The following RPS6KA5 variants were observed in gnomAD, a reference collection of about 807,000 sequenced individuals.
RPS6KA5 encodes the protein ribosomal protein S6 kinase alpha-5.
In RPS6KA5, 27 loss-of-function variants were observed where a neutral mutation model predicts 85.5. The observed-to-expected ratio is 0.32, with a 90% CI of 0.23 to 0.44. The LOEUF (loss-of-function observed/expected upper bound fraction) is 0.44, where lower values mean the gene tolerates loss of function less well. Ranked by LOEUF, RPS6KA5 falls within the 20% of genes least tolerant of loss-of-function variation. RPS6KA5 has a pLI of 1.00. For missense variants in RPS6KA5, 811 were observed against 980.9 expected (o/e 0.83, Z 2.31); for synonymous variants, 334 against 348.2 (o/e 0.96, Z 0.46).
intron 4 of RPS6KA5, 73 bp from the exon 5 acceptor site, chr14:90,943,258 CCTTT>C: frequency 1.3e-6 from 1 of 794,006 alleles, no homozygotes; most frequent in Non-Finnish European, 2.0e-6. Context: ...TTCTCGTCTA[CCTTT>C]ATTTATTTAT....
chr14:91,035,847 CAAAAAAAAAAA>C (rs199625173), intron 1 of RPS6KA5, among the ~76,000 whole-genome samples: 20 of 69,896 alleles, frequency 2.9e-4, no homozygotes, highest in Admixed American at 3.6e-4. Flanking sequence ...CCCTCACCTT[CAAAAAAAAAAA>C]AAAAAAAAAA....
chr14:90,886,979 C>A (rs1233672407), intron 14 of RPS6KA5, among the ~76,000 whole-genome samples: 1 of 152,048 alleles, frequency 6.6e-6, no homozygotes. Flanking sequence ...ATGTAAAATA[C>A]AAAACTTCCA....
At chr14:91,012,933 T>C in intron 1 of RPS6KA5, among the ~76,000 whole-genome samples, 1 of 152,130 alleles carries the variant, frequency 6.6e-6, no homozygotes. Flanking sequence ...TTACATCACT[T>C]TTCTGACTTG....
intron 1 of RPS6KA5, among the ~76,000 whole-genome samples, chr14:91,013,953 T>C (rs2041370467): frequency 6.6e-6 from 1 of 152,256 alleles, no homozygotes; most frequent in African/African-American, 2.4e-5. Flanking sequence ...TGGAAAGTAC[T>C]AAAATTAATC....
chr14:91,007,061 T>A lies in RPS6KA5; in HGVS notation c.104-5902A>T, dbSNP rs1050880005. Among the ~76,000 whole-genome samples, 4 of 152,292 alleles carry A rather than the reference T, an allele frequency of 2.6e-5. No homozygotes were observed. In the East Asian group the frequency reaches 7.7e-4, roughly 29 times the overall value. On this transcript the variant is annotated intron_variant, in intron 1 of 16. Coordinates refer to ENST00000614987, the MANE Select transcript of RPS6KA5 (RefSeq NM_004755.4). ...CTCTTATTAAATTTGTTACTCTGAT[T>A]CCCACCAGCTACTTGTGCCTTGCAG...
intron 13 of RPS6KA5, among the ~76,000 whole-genome samples, chr14:90,892,702 A>C (rs1301741068): frequency 6.6e-6 from 1 of 152,242 alleles, no homozygotes; most frequent in Non-Finnish European, 1.5e-5. Context: ...CCACATAGCT[A>C]CCTACCAAAA....
chr14:90,903,981 C>G (rs143388989), intron 8 of RPS6KA5, among the ~76,000 whole-genome samples: 4,097 of 148,844 alleles, frequency 0.028, 75 homozygotes, highest in Middle Eastern at 0.083. Flanking sequence ...GAGTCTCGCT[C>G]TGTCGCCCAG....
chr14:91,025,341 G>A (rs1312336875), intron 1 of RPS6KA5, among the ~76,000 whole-genome samples: 2 of 152,234 alleles, frequency 1.3e-5, no homozygotes, highest in African/African-American at 2.4e-5. Flanking sequence ...ACCACGCCCA[G>A]TCTCCTTTTT....
intron 5 of RPS6KA5, among the ~76,000 whole-genome samples, chr14:90,924,983 T>C (rs1432033135): frequency 2.0e-5 from 3 of 152,218 alleles, no homozygotes; most frequent in African/African-American, 7.2e-5. Flanking sequence ...TTTTTTCTCA[T>C]CCCATATTTA....
At position 90,894,501 on chromosome 14, in the gene RPS6KA5, G is replaced by A. The variant is rs2034728936; in HGVS notation, c.1556C>T (p.Thr519Met). 3.1e-6 allele frequency: 5 copies of A among 1,613,956 alleles called. No homozygotes were observed. Among genetic ancestry groups the A allele is most frequent in the South Asian group, 1.1e-5 (1 of 91,082 alleles). Residue 519 changes from threonine (T) to methionine (M), a missense_variant, in exon 13 of 17, where the codon ACG (threonine) becomes ATG (methionine). This residue lies in a region of RPS6KA5 where 650 missense variants were observed against 793.4 expected (regional missense o/e 0.82). Coordinates refer to ENST00000614987, the MANE Select transcript of RPS6KA5 (RefSeq NM_004755.4). ...RIKKKKHFSE[T>M]EASYIMRKLV... ...CTTCCTCATGATGTAGCTGGCTTCC[G>A]TCTCACTGAAGTGCTTCTTTTTCTT...
chr14:90,983,177 T>C (rs2039874950), intron 2 of RPS6KA5, among the ~76,000 whole-genome samples: 1 of 146,452 alleles, frequency 6.8e-6, no homozygotes, highest in Admixed American at 6.9e-5. Flanking sequence ...CACAGGAGGC[T>C]AAGGCAGGAG....
chr14:90,980,326 GT>G (rs1270376847), intron 2 of RPS6KA5, among the ~76,000 whole-genome samples: 1 of 152,124 alleles, frequency 6.6e-6, no homozygotes, highest in Admixed American at 6.6e-5. Context: ...CTAAATTCTT[GT>G]TATCCCAGGT....
Position 90,929,399 on chromosome 14 carries a change from T to C in RPS6KA5, c.619-6203A>G, listed in dbSNP as rs139037984. Among the ~76,000 whole-genome samples, 402 of 152,282 alleles carry C rather than the reference T, an allele frequency of 2.6e-3. 4 individuals are homozygous for C. Among genetic ancestry groups the C allele is most frequent in the Non-Finnish European group, 4.8e-3 (324 of 67,998 alleles). Reference sequence around the variant, plus strand: ...ATCTATACAAAAATCCAAGTCAATCTATAAATTTGTGCACCTAATAAGAAT... The same window carrying C: ...ATCTATACAAAAATCCAAGTCAATCCATAAATTTGTGCACCTAATAAGAAT... On this transcript the variant is annotated intron_variant, in intron 5 of 16. Transcript: ENST00000614987.
At chr14:90,897,157 T>TA (rs1166011949) in intron 12 of RPS6KA5, among the ~76,000 whole-genome samples, 1 of 152,190 alleles carries the variant, frequency 6.6e-6, no homozygotes, top group Admixed American at 6.5e-5. Context: ...CAGTTCACAA[T>TA]AGAGTTTGTA....
At chr14:90,892,230 GTCCTC>G (rs2034604031) in intron 13 of RPS6KA5, among the ~76,000 whole-genome samples, 1 of 152,208 alleles carries the variant, frequency 6.6e-6, no homozygotes, top group South Asian at 2.1e-4. Flanking sequence ...TCAAACTCCT[GTCCTC>G]AAGTGATCCG....
chr14:90,981,084 T>A (rs943227395), intron 2 of RPS6KA5, among the ~76,000 whole-genome samples: 3 of 152,152 alleles, frequency 2.0e-5, no homozygotes, highest in African/African-American at 7.2e-5. Flanking sequence ...GGCAGGAGAA[T>A]TGCTTGAACC....
chr14:90,975,674 T>C (rs533849441), intron 3 of RPS6KA5, among the ~76,000 whole-genome samples: 33 of 152,302 alleles, frequency 2.2e-4, no homozygotes, highest in Middle Eastern at 3.4e-3. Flanking sequence ...CACCCAGCCC[T>C]AGCAAACTAA....
At chr14:90,946,566 C>T (rs537978416) in intron 4 of RPS6KA5, among the ~76,000 whole-genome samples, 52 of 152,270 alleles carry the variant, frequency 3.4e-4, no homozygotes, top group African/African-American at 1.2e-3. Context: ...CCCTTCAATT[C>T]TCTCCTTTCT....
chr14:90,915,834 A>T lies in RPS6KA5; in HGVS notation c.806+4372T>A, dbSNP rs537670880. ...TTAAAAAAATAAATAAATAAATAAA[A>T]TAAATTTATAAAATAAAAGCTAGTG... On this transcript the variant is annotated intron_variant, in intron 7 of 16. Transcript: ENST00000614987. Among the ~76,000 whole-genome samples, 143 of 150,744 alleles carry T rather than the reference A, an allele frequency of 9.5e-4. 1 individual carries two copies. Among genetic ancestry groups the T allele is most frequent in the African/African-American group, 3.2e-3 (130 of 41,062 alleles).
Sources: gnomAD v4.1 joint callset for allele counts (sites outside exome capture counted in the v4.1 genomes callset) on GRCh38, gnomAD v4.1.1 for gene constraint, gnomAD v4.1.1 regional missense constraint, MANE v1.5 for transcripts, NCBI Gene and HGNC (gene_info 2026-07-23, HGNC 2026-07-21) for gene names.